TSC1: variants seen among roughly 807,000 people sequenced by gnomAD.
TSC1 encodes the protein hamartin.
TSC1 carries 20 observed loss-of-function variants against 124.3 expected under a neutral mutation model. The observed-to-expected ratio is 0.16, with a 90% CI of 0.11 to 0.23. TSC1 has a LOEUF of 0.23. TSC1 is among the 10% of genes least tolerant of loss of function. The pLI is 1.00. For synonymous variants in TSC1, 493 were observed against 539.1 expected (o/e 0.91, Z 1.19); for missense variants, 1,124 against 1,448.5 (o/e 0.78, Z 3.64).
intron 1 of TSC1, chr9:132,939,237 G>A (rs1847616283): frequency 6.6e-6 from 1 of 152,160 alleles, no homozygotes; most frequent in African/African-American, 2.4e-5. Context: ...CATCTAAAAA[G>A]GGTAAGATAC....
In TSC1 at chr9:132,912,403, C is replaced by T. The variant is rs1257538409; in HGVS notation, c.792G>A (p.Leu264=). ...DVVIECAKIS[L]DPTEASYEDG... ...CTTCATATGAGGCTTCTGTGGGATC[C>T]AGAGAGATTTTGGCACACTCGATCA... Residue 264 remains leucine (L), a synonymous_variant, in exon 9 of 23, where the codon CTG becomes CTA. Coordinates refer to ENST00000298552, the MANE Select transcript of TSC1 (RefSeq NM_000368.5). 1.9e-6 allele frequency: 3 copies of T among 1,614,138 alleles called. No homozygotes were observed. In the South Asian group the frequency reaches 3.3e-5, roughly 18 times the overall value.
chr9:132,902,468 G>T lies in TSC1; in HGVS notation c.2391+137C>A. On this transcript the variant is annotated intron_variant, in intron 18 of 22. Coordinates refer to ENST00000298552, the MANE Select transcript of TSC1 (RefSeq NM_000368.5). This position sits in a 1 kb window ranked among gnomAD's most constrained non-coding sequence, Gnocchi z 5.2. ...GATTCACCTGCCATGAAGAATTTCT[G>T]CCATGATTTCAGAGAGAAAAGCATT... 8.7e-7 allele frequency: 1 copy of T among 1,155,770 alleles called. No homozygotes were observed. The highest frequency in any genetic ancestry group is 2.4e-5 in the East Asian group (1 of 42,306). The allele number at this position is 1,155,770 out of a possible 1,614,324, so 71.6% of individuals were successfully genotyped here. A position where few individuals can be genotyped will look rare whatever the true frequency, so the allele number is the denominator to read the frequency against.
chr9:132,913,373 C>T (rs1429608312), intron 8 of TSC1, among the ~76,000 whole-genome samples: 1 of 152,110 alleles, frequency 6.6e-6, no homozygotes, highest in African/African-American at 2.4e-5. Flanking sequence ...TCCTTTGTGC[C>T]CTTTGTGGTG....
chr9:132,898,343 A>AT (rs1257047241), intron 20 of TSC1, among the ~76,000 whole-genome samples: 1 of 152,212 alleles, frequency 6.6e-6, no homozygotes, highest in Non-Finnish European at 1.5e-5. Flanking sequence ...CGGAAAGGGT[A>AT]TTTTTTTAAG....
intron 8 of TSC1, among the ~76,000 whole-genome samples, chr9:132,914,519 T>G (rs1846159965): frequency 6.6e-6 from 1 of 152,134 alleles, no homozygotes; most frequent in Admixed American, 6.6e-5. Context: ...CAAAATTGAT[T>G]AATTTTATTG....
intron 20 of TSC1, among the ~76,000 whole-genome samples, chr9:132,898,086 T>C (rs753189805): frequency 3.3e-5 from 5 of 152,238 alleles, no homozygotes; most frequent in Non-Finnish European, 7.3e-5. Context: ...TATCCAGTTA[T>C]CATTTCAGTC....
At chr9:132,931,848 GA>G (rs1309291302) in intron 2 of TSC1, among the ~76,000 whole-genome samples, 1 of 152,212 alleles carries the variant, frequency 6.6e-6, no homozygotes. Flanking sequence ...CAAAAAAGGG[GA>G]AGAAACCAGC....
In TSC1 at chr9:132,906,636, A is replaced by C. The variant is rs967654120; in HGVS notation, c.1438+95T>G. ...ATCTTGTTACCTCAAGAGAAGAAAA[A>C]TCCAGCAAGCCTGTGAGCAATGGCA... On this transcript the variant is annotated intron_variant, in intron 14 of 22. Transcript: ENST00000298552. The surrounding 1 kb of genome is among the most constrained non-coding windows in gnomAD (Gnocchi z 4.1). 3 of 1,119,074 alleles carry C rather than the reference A, an allele frequency of 2.7e-6. No individual in the cohort carries two copies. In the Admixed American group the frequency reaches 6.0e-5, roughly 22 times the overall value. The allele number at this position is 1,119,074 out of a possible 1,614,324, so 69.3% of individuals were successfully genotyped here.
At position 132,935,520 on chromosome 9, in the gene TSC1, AAGGCT is replaced by A. The variant is rs1430324766; in HGVS notation, c.-143-430_-143-426del. On this transcript the variant is annotated intron_variant, in intron 1 of 22. Coordinates refer to ENST00000298552, the MANE Select transcript of TSC1 (RefSeq NM_000368.5). Reference sequence around the variant, plus strand: ...AGAATAATGATGGCATCAAGCTCACAAGGCTTGTGGGGATTACATGAGATGATGCA... The same window carrying A: ...AGAATAATGATGGCATCAAGCTCACATGTGGGGATTACATGAGATGATGCA... Among the ~76,000 whole-genome samples the A allele has an allele frequency of 1.1e-4, 16 of 152,350 alleles. No individual in the cohort carries two copies. The East Asian group carries it at 1.3e-3, about 13-fold the overall frequency.
At chr9:132,919,208 A>G (rs1287241289) in intron 8 of TSC1, among the ~76,000 whole-genome samples, 1 of 152,200 alleles carries the variant, frequency 6.6e-6, no homozygotes, top group African/African-American at 2.4e-5. Context: ...GTGGTGGTAT[A>G]ATCTCGCAGA....
intron 5 of TSC1, among the ~76,000 whole-genome samples, chr9:132,924,422 G>A (rs1433212654): frequency 6.6e-6 from 1 of 152,134 alleles, no homozygotes; most frequent in Non-Finnish European, 1.5e-5. Context: ...ATATTGGTAG[G>A]AGAATTGAGA....
At chr9:132,944,958 TGGCG>T (rs1400707194), upstream of TSC1, 1 of 132,990 alleles carries the variant, frequency 7.5e-6, no homozygotes, top group East Asian at 2.0e-4. Flanking sequence ...GTCACGTGAC[TGGCG>T]GGCGGGGGGA....
intron 20 of TSC1, among the ~76,000 whole-genome samples, chr9:132,898,599 CTT>C (rs1262633639): frequency 6.6e-6 from 1 of 152,202 alleles, no homozygotes; most frequent in Non-Finnish European, 1.5e-5. Flanking sequence ...AATGGCTCGA[CTT>C]CAGCACAGGG....
In TSC1 at chr9:132,895,141, A is replaced by C. The variant is rs1286919154; in HGVS notation, c.*1094T>G. On this transcript the variant is annotated 3_prime_UTR_variant, in exon 23 of 23. Coordinates refer to ENST00000298552, the MANE Select transcript of TSC1 (RefSeq NM_000368.5). ...CTGAAAGTTGGAATTGGTATGAAAA[A>C]GCTGCCCCTCTTCTGGTAGCCTAGA... 1.3e-5 allele frequency: 3 copies of C among 233,104 alleles called. No individual in the cohort carries two copies. The East Asian group carries it at 1.8e-4, about 14-fold the overall frequency. The allele number at this position is 233,104 out of a possible 1,614,324, so 14.4% of individuals were successfully genotyped here.
intron 2 of TSC1, among the ~76,000 whole-genome samples, chr9:132,929,599 C>CA (rs545129129): frequency 6.6e-6 from 1 of 152,320 alleles, no homozygotes; most frequent in South Asian, 2.1e-4. Context: ...GGTAGTAGAG[C>CA]AGCTGCTTTA....
Position 132,904,473 on chromosome 9 carries a change from A to C in TSC1, c.1998-19T>G, listed in dbSNP as rs184408837. 6.1e-5 allele frequency: 99 copies of C among 1,613,626 alleles called. No individual in the cohort carries two copies. The African/African-American group carries it at 1.3e-3, about 20-fold the overall frequency. On this transcript the variant is annotated intron_variant, in intron 15 of 22. Coordinates refer to ENST00000298552, the MANE Select transcript of TSC1 (RefSeq NM_000368.5). ...AGGCAACCTAGGAAGAAAGTTTTTG[A>C]GTAACAAAGTTACCGATCTTACCAA...
chr9:132,922,061 GACT>G (rs1160519087), intron 6 of TSC1, 88 bp from the exon 7 acceptor site: 4 of 1,529,330 alleles, frequency 2.6e-6, no homozygotes, highest in Non-Finnish European at 3.6e-6. Flanking sequence ...CTGCCAGCAG[GACT>G]TTTTATCTAT....
rs1229582901 is a variant in TSC1 at position 132,897,529 on chromosome 9, C to G, written c.2707G>C (p.Asp903His). 3.1e-6 allele frequency: 5 copies of G among 1,593,162 alleles called. No homozygotes were observed. The highest frequency in any genetic ancestry group is 4.3e-6 in the Non-Finnish European group (5 of 1,169,078). The change falls in exon 21 of 23, where the codon GAT (aspartate) becomes CAT (histidine). Residue 903 changes from aspartate (D) to histidine (H), a missense_variant. This residue lies in a region of TSC1 where 325 missense variants were observed against 383.4 expected (regional missense o/e 0.85). Coordinates refer to ENST00000298552, the MANE Select transcript of TSC1 (RefSeq NM_000368.5). ...SHVLQQTQRL[D>H]TSQKRILELE... ...TCCAAAATCCGTTTTTGGGAGGTAT[C>G]AAGCCTCTGAGTCTGCTGGAGAACA...
Position 132,903,633 on chromosome 9 carries a change from C to A in TSC1, c.2208+18G>T. ...AAAACAAAAAGCAAGCTCCACCTGT[C>A]CCCTCCCCAGTCCTCACCATGGCAG... On this transcript the variant is annotated intron_variant, in intron 17 of 22. Coordinates refer to ENST00000298552, the MANE Select transcript of TSC1 (RefSeq NM_000368.5). This position sits in a 1 kb window ranked among gnomAD's most constrained non-coding sequence, Gnocchi z 5.9. The A allele has an allele frequency of 1.2e-6, 2 of 1,612,012 alleles. No homozygotes were observed. Among genetic ancestry groups the A allele is most frequent in the Non-Finnish European group, 1.7e-6 (2 of 1,179,806 alleles).
Sources: gnomAD v4.1 joint callset for allele counts (sites outside exome capture counted in the v4.1 genomes callset) on GRCh38, gnomAD v4.1.1 for gene constraint, gnomAD v4.1.1 regional missense constraint, Gnocchi (gnomAD v3.1) non-coding constraint, MANE v1.5 for transcripts, NCBI Gene and HGNC (gene_info 2026-07-23, HGNC 2026-07-21) for gene names.